The following ZDHHC17 variants were observed in gnomAD, a reference collection of about 807,000 sequenced individuals.
The protein encoded by ZDHHC17 is palmitoyltransferase ZDHHC17.
A neutral mutation model predicts 90.3 loss-of-function variants in ZDHHC17; 40 were observed. The observed-to-expected ratio is 0.44, with a 90% CI of 0.34 to 0.58. The LOEUF is 0.58. Among genes scored for constraint, ZDHHC17 ranks in the 20% least tolerant of loss-of-function variants. The pLI, the probability that ZDHHC17 is intolerant of heterozygous loss-of-function variation, is 0.01. For missense variants in ZDHHC17, 614 were observed against 780.8 expected (o/e 0.79, Z 2.55); for synonymous variants, 235 against 252.4 (o/e 0.93, Z 0.65).
rs1953354943 is a variant in ZDHHC17 at position 76,835,705 on chromosome 12, C to T, written c.1142-6277C>T. On this transcript the variant is annotated intron_variant, in intron 10 of 16. Transcript: ENST00000426126. ...AGACTGAATTTTGTTTTTCTTTCTA[C>T]TCTTTATAGCATTTAGCTCCTTTAG... Among the ~76,000 whole-genome samples the T allele has an allele frequency of 2.0e-5, 3 of 151,806 alleles. No homozygotes were observed. In the East Asian group the frequency reaches 5.8e-4, roughly 29 times the overall value.
At chr12:76,794,532 G>A (rs1952796637) in intron 1 of ZDHHC17, among the ~76,000 whole-genome samples, 1 of 152,154 alleles carries the variant, frequency 6.6e-6, no homozygotes, top group Non-Finnish European at 1.5e-5. Context: ...TTTCTTTAGT[G>A]AGTATAACTC....
At chr12:76,817,171 A>G (rs1350883633) in intron 7 of ZDHHC17, among the ~76,000 whole-genome samples, 2 of 152,038 alleles carry the variant, frequency 1.3e-5, no homozygotes, top group African/African-American at 2.4e-5. Flanking sequence ...TGCTTTTTGA[A>G]TGTTTTTAAA....
At chr12:76,820,083 T>C (rs1953144698) in intron 7 of ZDHHC17, among the ~76,000 whole-genome samples, 1 of 152,058 alleles carries the variant, frequency 6.6e-6, no homozygotes, top group African/African-American at 2.4e-5. Flanking sequence ...CAGGAATAGC[T>C]GTATACCCTA....
chr12:76,820,356 C>A (rs901599292), intron 7 of ZDHHC17, among the ~76,000 whole-genome samples: 4 of 152,044 alleles, frequency 2.6e-5, no homozygotes, highest in African/African-American at 9.7e-5. Context: ...AAACAAAACA[C>A]AATTATGGCC....
At chr12:76,780,271 C>T (rs1462571282) in intron 1 of ZDHHC17, among the ~76,000 whole-genome samples, 1 of 151,910 alleles carries the variant, frequency 6.6e-6, no homozygotes, top group Admixed American at 6.6e-5. Flanking sequence ...TATGGCATGC[C>T]TGCTTATTTA....
At chr12:76,836,884 TG>T (rs1035946839) in intron 10 of ZDHHC17, among the ~76,000 whole-genome samples, 1 of 152,210 alleles carries the variant, frequency 6.6e-6, no homozygotes, top group African/African-American at 2.4e-5. Context: ...AATTGAACCT[TG>T]TATCAATATG....
chr12:76,848,193 GATT>G lies in ZDHHC17; in HGVS notation c.1508-36_1508-34del, dbSNP rs767427419. On this transcript the variant is annotated intron_variant, in intron 14 of 16. Transcript: ENST00000426126. ...AAATGCCTATATGAGGTGCTTGGATGATTATTGAGTAAATACGAGTACTTCTGT... is the reference window on the plus strand; with the variant it reads ...AAATGCCTATATGAGGTGCTTGGATGATTGAGTAAATACGAGTACTTCTGT... 2.5e-6 allele frequency: 4 copies of G among 1,607,836 alleles called. No homozygotes were observed. The South Asian group carries it at 4.4e-5, about 18-fold the overall frequency.
At chr12:76,781,561 T>G (rs1952626855) in intron 1 of ZDHHC17, 5 of 453,368 alleles carry the variant, frequency 1.1e-5, no homozygotes. Context: ...AAAGTAAGTT[T>G]AGTCCTCTCG....
chr12:76,821,034 A>G, intron 7 of ZDHHC17: 1 of 1,265,814 alleles, frequency 7.9e-7, no homozygotes. Context: ...GATATTTTAA[A>G]GCTCCCTCAA....
intron 3 of ZDHHC17, 115 bp downstream of exon 3, chr12:76,805,554 T>TA: frequency 1.0e-6 from 1 of 974,094 alleles, no homozygotes; most frequent in Non-Finnish European, 1.5e-6. Context: ...TTTTAGAAGA[T>TA]AGATTCTGTG....
intron 1 of ZDHHC17, chr12:76,781,786 C>T: frequency 2.4e-6 from 1 of 419,940 alleles, no homozygotes; most frequent in Non-Finnish European, 4.8e-6. Context: ...CTGGCTTATT[C>T]ATGTAATGTA....
chr12:76,813,425 A>G (rs780341540), intron 5 of ZDHHC17: 11 of 433,452 alleles, frequency 2.5e-5, no homozygotes, highest in Non-Finnish European at 5.1e-5. Context: ...TGGATAAGGC[A>G]TAACATTCTA....
In ZDHHC17 at chr12:76,764,198, T is replaced by G. The variant is rs1452343174; in HGVS notation, c.-39T>G. Reference sequence around the variant, plus strand: ...GCTCGCCCCGCGCTCGCCCTCCGCCTCGCCCGAGCCCCGGGAGGGTGAAAC... The same window carrying G: ...GCTCGCCCCGCGCTCGCCCTCCGCCGCGCCCGAGCCCCGGGAGGGTGAAAC... On this transcript the variant is annotated 5_prime_UTR_variant, in exon 1 of 17. Coordinates refer to ENST00000426126, the MANE Select transcript of ZDHHC17 (RefSeq NM_015336.4). 1.5e-6 allele frequency: 2 copies of G among 1,299,088 alleles called. No homozygotes were observed. The highest frequency in any genetic ancestry group is 1.5e-5 in the African/African-American group (1 of 64,984). The allele number at this position is 1,299,088 out of a possible 1,614,324, so 80.5% of individuals were successfully genotyped here. A position where few individuals can be genotyped will look rare whatever the true frequency, so the allele number is the denominator to read the frequency against.
chr12:76,775,895 T>G (rs187307982), intron 1 of ZDHHC17, among the ~76,000 whole-genome samples: 3 of 152,298 alleles, frequency 2.0e-5, no homozygotes, highest in Admixed American at 2.0e-4. Context: ...TATTTATATT[T>G]CTGTAAATAT....
chr12:76,839,278 G>GT (rs767338936), intron 10 of ZDHHC17, among the ~76,000 whole-genome samples: 6 of 152,224 alleles, frequency 3.9e-5, no homozygotes, highest in Non-Finnish European at 8.8e-5. Context: ...CACATCTACA[G>GT]TTTTTCATAC....
intron 1 of ZDHHC17, among the ~76,000 whole-genome samples, chr12:76,775,674 C>G (rs1443294608): frequency 6.6e-6 from 1 of 152,092 alleles, no homozygotes; most frequent in Non-Finnish European, 1.5e-5. Context: ...TAATCAATAG[C>G]ATCTTTTGAT....
rs1260664975 is a variant in ZDHHC17 at position 76,852,207 on chromosome 12, T to C, written c.*1222T>C. On this transcript the variant is annotated 3_prime_UTR_variant, in exon 17 of 17. Coordinates refer to ENST00000426126, the MANE Select transcript of ZDHHC17 (RefSeq NM_015336.4). ...CTACTAGTCACTGCTTCCATAAATA[T>C]TGTTTACAGGGTGAGATTTGGTTTA... The C allele has an allele frequency of 6.6e-6, 1 of 152,602 alleles. No homozygotes were observed. The highest frequency in any genetic ancestry group is 1.5e-5 in the Non-Finnish European group (1 of 68,020). 9.5% of individuals were successfully genotyped at this position (152,602 alleles called of 1,614,324 possible). A position where few individuals can be genotyped will look rare whatever the true frequency, so the allele number is the denominator to read the frequency against.
chr12:76,841,894 G>T, intron 10 of ZDHHC17, 88 bp from the exon 11 acceptor site: 1 of 1,015,202 alleles, frequency 9.9e-7, no homozygotes. Context: ...TGACTGGTAG[G>T]TGTTTTGTAA....
intron 3 of ZDHHC17, among the ~76,000 whole-genome samples, chr12:76,808,251 T>G (rs1952977270): frequency 6.6e-6 from 1 of 152,166 alleles, no homozygotes; most frequent in African/African-American, 2.4e-5. Flanking sequence ...CTTGGAATCA[T>G]TTATATTCAG....
Sources: gnomAD v4.1 joint callset for allele counts (sites outside exome capture counted in the v4.1 genomes callset) on GRCh38, gnomAD v4.1.1 for gene constraint, MANE v1.5 for transcripts, NCBI Gene and HGNC (gene_info 2026-07-23, HGNC 2026-07-21) for gene names.